Variants in FAM89A observed in about 807,000 individuals in gnomAD.
The protein encoded by FAM89A is family with sequence similarity 89 member A.
Under a neutral mutation model 7.1 loss-of-function variants are expected in FAM89A, and 10 were observed. The ratio of observed to expected loss-of-function variants is 1.40; its 90% CI spans 0.86 to 2.38. The LOEUF is 2.38. Ranked by LOEUF, FAM89A falls within the 30% of genes most tolerant of loss-of-function variation. FAM89A has a pLI of 0.00. For missense variants in FAM89A, 276 were observed against 262.8 expected (o/e 1.05, Z -0.35); for synonymous variants, 157 against 129.3 (o/e 1.21, Z -1.45).
chr1:231,032,024 A>G (rs1680078250), intron 1 of FAM89A, among the ~76,000 whole-genome samples: 1 of 152,154 alleles, frequency 6.6e-6, no homozygotes, highest in Non-Finnish European at 1.5e-5. Context: ...AGCAATGGGA[A>G]AATGTAATGG....
At chr1:231,023,016 A>G (rs1679906895) in intron 1 of FAM89A, among the ~76,000 whole-genome samples, 1 of 152,178 alleles carries the variant, frequency 6.6e-6, no homozygotes, top group Non-Finnish European at 1.5e-5. Context: ...CTTTTCTGAT[A>G]AAATCCATCC....
At chr1:231,031,402 C>G (rs896420774) in intron 1 of FAM89A, among the ~76,000 whole-genome samples, 3 of 152,180 alleles carry the variant, frequency 2.0e-5, no homozygotes, top group Non-Finnish European at 4.4e-5. Context: ...TGTTCACACT[C>G]TATTACATTA....
intron 1 of FAM89A, among the ~76,000 whole-genome samples, chr1:231,030,305 C>G (rs866170507): frequency 6.6e-6 from 1 of 152,194 alleles, no homozygotes; most frequent in Admixed American, 6.5e-5. Flanking sequence ...CCCAGATTAA[C>G]CCCCATTAAA....
intron 1 of FAM89A, among the ~76,000 whole-genome samples, chr1:231,027,483 C>G (rs1679993936): frequency 6.6e-6 from 1 of 152,130 alleles, no homozygotes; most frequent in Admixed American, 6.5e-5. Flanking sequence ...CACGCCTACA[C>G]ACCTCCCAGC....
intron 1 of FAM89A, among the ~76,000 whole-genome samples, chr1:231,036,280 G>A (rs765647895): frequency 2.0e-5 from 3 of 152,104 alleles, no homozygotes; most frequent in African/African-American, 4.8e-5. Flanking sequence ...CTGTAAAGAT[G>A]CCCACATCTA....
rs1229160714 is a variant in FAM89A at position 231,040,129 on chromosome 1, G to T, written c.83C>A (p.Pro28Gln). ...GLRVDGLPPL[P>Q]KSLSGLLHSA... ...GTGCAGCAGCCCGCTCAAGCTCTTT[G>T]GCAGCGGGGGCAGCCCGTCCACCCG... The change falls in exon 1 of 2, where the codon CCA becomes CAA. Residue 28 changes from proline (P) to glutamine (Q), a missense_variant. Pro to Gln is a moderately conservative substitution (Grantham distance 76). Coordinates refer to ENST00000366654, the MANE Select transcript of FAM89A (RefSeq NM_198552.3). The T allele has an allele frequency of 7.3e-7, 1 of 1,368,846 alleles. No individual in the cohort carries two copies. The highest frequency in any genetic ancestry group is 1.6e-5 in the South Asian group (1 of 60,718). 84.8% of individuals were successfully genotyped at this position (1,368,846 alleles called of 1,614,324 possible). A position where few individuals can be genotyped will look rare whatever the true frequency, so the allele number is the denominator to read the frequency against.
chr1:231,039,793 G>C (rs1211713118), intron 1 of FAM89A, 128 bp downstream of exon 1: 10 of 960,570 alleles, frequency 1.0e-5, no homozygotes, highest in Non-Finnish European at 1.4e-5. Flanking sequence ...CGGCGCCGGC[G>C]CCTGGGGCGG....
chr1:231,021,889 G>T (rs922147292), intron 1 of FAM89A: 65 of 1,567,482 alleles, frequency 4.1e-5, no homozygotes, highest in Non-Finnish European at 5.5e-5. Flanking sequence ...GCTGCATGGT[G>T]AGCAGTGACG....
At chr1:231,022,233 T>C (rs1004915356) in intron 1 of FAM89A, 87 of 870,214 alleles carry the variant, frequency 1.0e-4, no homozygotes, top group African/African-American at 4.9e-5. Context: ...GGTTCTCCAG[T>C]GGTATCTGCC....
intron 1 of FAM89A, among the ~76,000 whole-genome samples, chr1:231,034,003 G>A (rs908000277): frequency 2.6e-5 from 4 of 152,160 alleles, no homozygotes; most frequent in East Asian, 1.9e-4. Context: ...TGGACATTGG[G>A]ATGGGGATGG....
intron 1 of FAM89A, among the ~76,000 whole-genome samples, chr1:231,031,616 G>A (rs1680070576): frequency 6.6e-6 from 1 of 152,106 alleles, no homozygotes; most frequent in Non-Finnish European, 1.5e-5. Context: ...GCCCCTAGAG[G>A]TCCCCAGACC....
chr1:231,021,737 G>A, intron 1 of FAM89A: 1 of 1,601,180 alleles, frequency 6.2e-7, no homozygotes, highest in Admixed American at 1.7e-5. Flanking sequence ...GGAAACTGCT[G>A]GAGATGAAAT....
At chr1:231,031,161 C>A (rs1442070506) in intron 1 of FAM89A, among the ~76,000 whole-genome samples, 1 of 152,116 alleles carries the variant, frequency 6.6e-6, no homozygotes, top group Non-Finnish European at 1.5e-5. Flanking sequence ...ACACAAATAA[C>A]ATTTTCATAA....
chr1:231,033,327 C>T (rs1169243759), intron 1 of FAM89A, among the ~76,000 whole-genome samples: 1 of 152,212 alleles, frequency 6.6e-6, no homozygotes, highest in South Asian at 2.1e-4. Context: ...GTTTCCTCCA[C>T]AGCATTATGA....
intron 1 of FAM89A, among the ~76,000 whole-genome samples, chr1:231,025,315 C>T (rs556026125): frequency 1.1e-4 from 17 of 152,122 alleles, no homozygotes; most frequent in Non-Finnish European, 1.8e-4. Flanking sequence ...CCAGCTTTGC[C>T]GTCCTCTGTG....
At chr1:231,035,023 C>T (rs185824014) in intron 1 of FAM89A, among the ~76,000 whole-genome samples, 9 of 152,234 alleles carry the variant, frequency 5.9e-5, no homozygotes, top group Admixed American at 4.6e-4. Context: ...GCACTAGGAG[C>T]GAATCCCCTT....
rs1329899160 is a variant in FAM89A, at chr1:231,027,590, A to T, written c.292-7464T>A. 3.9e-5 allele frequency among the ~76,000 whole-genome samples: 6 copies of T among 152,316 alleles called. No individual in the cohort carries two copies. In the East Asian group the frequency reaches 1.2e-3, roughly 29 times the overall value. ...GAGGACATAAGGTAAGTCACTGCAC[A>T]GTAAACCAGACTTCCTAGCCCGGGC... On this transcript the variant is annotated intron_variant, in intron 1 of 1. Transcript: ENST00000366654.
chr1:231,020,468 C>T (rs909812673), intron 1 of FAM89A, among the ~76,000 whole-genome samples: 6 of 152,186 alleles, frequency 3.9e-5, no homozygotes, highest in African/African-American at 7.2e-5. Flanking sequence ...CGCCAAGAAA[C>T]GAGTGTGTCA....
intron 1 of FAM89A, chr1:231,021,631 A>T (rs878906930): frequency 6.5e-7 from 1 of 1,541,738 alleles, no homozygotes; most frequent in Non-Finnish European, 9.0e-7. Flanking sequence ...GAAAGCGTCG[A>T]GGTGGAGCAA....
Sources: gnomAD v4.1 joint callset for allele counts (sites outside exome capture counted in the v4.1 genomes callset) on GRCh38, gnomAD v4.1.1 for gene constraint, MANE v1.5 for transcripts, NCBI Gene and HGNC (gene_info 2026-07-23, HGNC 2026-07-21) for gene names.